Variants in TNRC6A observed in about 807,000 individuals in gnomAD.
TNRC6A encodes trinucleotide repeat containing adaptor 6A.
In TNRC6A, 44 loss-of-function variants were observed where a neutral mutation model predicts 221.2. That is an observed-to-expected ratio of 0.20 (90% CI 0.16 to 0.26). TNRC6A has a LOEUF of 0.26. TNRC6A is among the 10% of genes least tolerant of loss of function. TNRC6A has a pLI of 1.00. For missense variants in TNRC6A, 2,199 were observed against 2,404.4 expected, an observed-to-expected ratio of 0.91 and a Z score of 1.79; for synonymous variants, 847 against 838.5, an observed-to-expected ratio of 1.01 and a Z score of -0.18.
intron 5 of TNRC6A, among the ~76,000 whole-genome samples, chr16:24,782,113 C>G (rs567811460): frequency 6.6e-6 from 1 of 152,146 alleles, no homozygotes; most frequent in African/African-American, 2.4e-5. Flanking sequence ...TGAGCCACCG[C>G]GCCCGGCCAA....
intron 2 of TNRC6A, among the ~76,000 whole-genome samples, chr16:24,670,103 C>T (rs781064877): frequency 2.0e-5 from 3 of 151,486 alleles, no homozygotes; most frequent in Non-Finnish European, 4.4e-5. Flanking sequence ...GTGCATGCCA[C>T]CATGCCCAGC....
At chr16:24,721,073 A>G (rs567905253) in intron 2 of TNRC6A, among the ~76,000 whole-genome samples, 1 of 152,220 alleles carries the variant, frequency 6.6e-6, no homozygotes. Flanking sequence ...AGGCTGCTGT[A>G]TGGAGAACGG....
intron 1 of TNRC6A, among the ~76,000 whole-genome samples, chr16:24,634,036 C>G (rs1011654462): frequency 1.3e-5 from 2 of 152,048 alleles, no homozygotes; most frequent in African/African-American, 4.8e-5. Context: ...CCCGCTTCAG[C>G]CCCCCAAAGT....
rs554058156 is a variant in TNRC6A, at chr16:24,791,763, C to A, written c.3121C>A (p.Gln1041Lys). 37 of 1,597,238 alleles carry A rather than the reference C, an allele frequency of 2.3e-5. No individual in the cohort carries two copies. Among genetic ancestry groups the A allele is most frequent in the Non-Finnish European group, 3.2e-5 (37 of 1,174,132 alleles). ...SRSDQQAQVH[Q>K]LLTPASAISN... is the part of the protein sequence containing the mutation. ...TTCAGACCAGCAAGCACAGGTACAT[C>A]AGCTGCTAACGCCTGCAAGTGCCAT... Residue 1041 changes from glutamine (Q) to lysine (K), a missense_variant, in exon 6 of 25, where the codon CAG (glutamine) becomes AAG (lysine). Coordinates refer to ENST00000395799, the MANE Select transcript of TNRC6A (RefSeq NM_014494.4).
chr16:24,759,695 A>G (rs1448529406), intron 4 of TNRC6A, among the ~76,000 whole-genome samples: 1 of 152,176 alleles, frequency 6.6e-6, no homozygotes, highest in Non-Finnish European at 1.5e-5. Context: ...TAGTGCCTAA[A>G]GTCACCAATA....
At chr16:24,769,976 T>C (rs571251683) in intron 4 of TNRC6A, among the ~76,000 whole-genome samples, 6 of 152,224 alleles carry the variant, frequency 3.9e-5, no homozygotes, top group Non-Finnish European at 7.3e-5. Flanking sequence ...AAACCAGCAC[T>C]TACAGAGCAC....
intron 5 of TNRC6A, among the ~76,000 whole-genome samples, chr16:24,786,264 G>A (rs1184202500): frequency 1.3e-5 from 2 of 152,006 alleles, no homozygotes; most frequent in Admixed American, 1.3e-4. Flanking sequence ...CACCTAATAT[G>A]GATCAGATAT....
At position 24,709,824 on chromosome 16, in the gene TNRC6A, C is replaced by CAAA. The variant is rs60844823; in HGVS notation, n.403-40887_403-40885dup. 1.3e-3 allele frequency among the ~76,000 whole-genome samples: 133 copies of CAAA among 103,732 alleles called. 4 individuals carry two copies. The highest frequency in any genetic ancestry group is 5.2e-3 in the Middle Eastern group (1 of 194). The allele number at this position is 103,732 out of a possible 152,430, so 68.1% of individuals were successfully genotyped here. A position where few individuals can be genotyped will look rare whatever the true frequency, so the allele number is the denominator to read the frequency against. ...TGGGCAACAGAACAAGACCCTGTCT[C>CAAA]AAAAAAAAAAAAAAAAAGAAGTTTA... On this transcript the variant is annotated intron_variant and non_coding_transcript_variant, in intron 2 of 2. Transcript: ENST00000566108.
At chr16:24,612,854 T>C (rs1260825079) in intron 1 of TNRC6A, among the ~76,000 whole-genome samples, 1 of 152,020 alleles carries the variant, frequency 6.6e-6, no homozygotes, top group Non-Finnish European at 1.5e-5. Flanking sequence ...GGGTTTATAG[T>C]CCAGTGGGGA....
At chr16:24,818,837 A>G in intron 21 of TNRC6A, 137 bp downstream of exon 21, 2 of 710,202 alleles carry the variant, frequency 2.8e-6, no homozygotes, top group Non-Finnish European at 5.0e-6. Context: ...AATTATTTTT[A>G]ACATCCCTTA....
At chr16:24,714,499 G>T (rs1186183579) in intron 2 of TNRC6A, among the ~76,000 whole-genome samples, 2 of 151,408 alleles carry the variant, frequency 1.3e-5, no homozygotes, top group African/African-American at 4.9e-5. Flanking sequence ...GAGATGGGGG[G>T]TTTCACTGTG....
At chr16:24,807,650 CT>C (rs112187524) in intron 17 of TNRC6A, among the ~76,000 whole-genome samples, 11 of 150,776 alleles carry the variant, frequency 7.3e-5, no homozygotes, top group African/African-American at 2.4e-4. Context: ...CCCACCCACT[CT>C]TTTTTCTCTG....
chr16:24,701,492 G>A (rs539981620), intron 2 of TNRC6A, among the ~76,000 whole-genome samples: 63 of 151,618 alleles, frequency 4.2e-4, no homozygotes, highest in African/African-American at 1.5e-3. Flanking sequence ...TCAGCCTCCC[G>A]AGTAGCTGGG....
At chr16:24,738,437 C>T (rs2056818589) in intron 2 of TNRC6A, among the ~76,000 whole-genome samples, 1 of 152,124 alleles carries the variant, frequency 6.6e-6, no homozygotes, top group Non-Finnish European at 1.5e-5. Flanking sequence ...CCCATAATAG[C>T]AGCCACTCCC....
intron 1 of TNRC6A, among the ~76,000 whole-genome samples, chr16:24,621,348 T>C (rs932774347): frequency 5.0e-5 from 6 of 119,032 alleles, no homozygotes; most frequent in African/African-American, 2.0e-4. Context: ...ATATGGTCTT[T>C]TTTTTTTTTT....
chr16:24,714,302 CTTTTTTTTT>C (rs60469088), intron 2 of TNRC6A, among the ~76,000 whole-genome samples: 2 of 71,272 alleles, frequency 2.8e-5, no homozygotes, highest in East Asian at 5.5e-4. Flanking sequence ...TGCTGTTAAT[CTTTTTTTTT>C]TTTTTTTTTT....
chr16:24,813,166 C>T (rs977783730), intron 18 of TNRC6A, among the ~76,000 whole-genome samples: 1 of 152,058 alleles, frequency 6.6e-6, no homozygotes, highest in African/African-American at 2.4e-5. Context: ...CGTGAGCCAC[C>T]ATGCCTTGCC....
intron 1 of TNRC6A, among the ~76,000 whole-genome samples, chr16:24,625,318 A>G (rs1173029262): frequency 1.3e-5 from 2 of 152,214 alleles, no homozygotes; most frequent in African/African-American, 4.8e-5. Context: ...AGCATATTTT[A>G]AAACCCCATG....
Position 24,794,605 on chromosome 16 carries a change from C to G in TNRC6A, c.3414C>G (p.Pro1138=), listed in dbSNP as rs1416897514. The G allele has an allele frequency of 6.2e-7, 1 of 1,613,922 alleles. No homozygotes were observed. Among genetic ancestry groups the G allele is most frequent in the Non-Finnish European group, 8.5e-7 (1 of 1,179,944 alleles). The part of the protein sequence containing the change: ...GDDMPLPGNR[P]TGWEEEEDVE... ...ATATGCCATTGCCTGGAAATCGCCC[C>G]ACTGGCTGGGAAGAGGAAGAGGATG... Residue 1138 remains proline (P), a synonymous_variant, in exon 8 of 25, where the codon CCC becomes CCG. Transcript: ENST00000395799.
Sources: allele counts gnomAD v4.1 joint callset (sites outside exome capture counted in the v4.1 genomes callset), GRCh38; gene constraint gnomAD v4.1.1; transcripts MANE v1.5; gene names NCBI Gene and HGNC (gene_info 2026-07-23, HGNC 2026-07-21).